CNTN5: variants seen among roughly 807,000 people sequenced by gnomAD.
CNTN5 encodes contactin 5.
Under a neutral mutation model 129.1 loss-of-function variants are expected in CNTN5, and 77 were observed. The observed-to-expected ratio is 0.60, with a 90% CI of 0.50 to 0.72. CNTN5 has a LOEUF of 0.72. Among genes scored for constraint, CNTN5 ranks in the 30% least tolerant of loss-of-function variants. The pLI is 0.00. For synonymous variants in CNTN5, 509 were observed against 465.6 expected (o/e 1.09, Z -1.20); for missense variants, 1,478 against 1,328.8 (o/e 1.11, Z -1.75).
Position 100,081,519 on chromosome 11 carries a change from C to T in CNTN5, c.1580+7225C>T, listed in dbSNP as rs190897864. ...CTGCAAGGTGGTAAGATGCTATGTC[C>T]GTATTCCACCCCATCTGAACTAATC... On this transcript the variant is annotated intron_variant, in intron 13 of 24. Coordinates refer to ENST00000524871, the MANE Select transcript of CNTN5 (RefSeq NM_014361.4). 1.9e-3 allele frequency among the ~76,000 whole-genome samples: 293 copies of T among 152,234 alleles called. 3 individuals are homozygous for T. Among genetic ancestry groups the T allele is most frequent in the African/African-American group, 6.5e-3 (271 of 41,546 alleles).
chr11:100,184,097 C>T (rs541716377), intron 13 of CNTN5, among the ~76,000 whole-genome samples: 6 of 152,124 alleles, frequency 3.9e-5, no homozygotes, highest in Admixed American at 1.3e-4. Context: ...TAACTACTTC[C>T]GTAAATAGCT....
intron 1 of CNTN5, among the ~76,000 whole-genome samples, chr11:99,215,594 T>A (rs2135685144): frequency 6.6e-6 from 1 of 152,242 alleles, no homozygotes; most frequent in East Asian, 1.9e-4. Context: ...GGAATTCAGT[T>A]TGAAATGTCT....
intron 2 of CNTN5, among the ~76,000 whole-genome samples, chr11:99,479,695 A>T (rs531553984): frequency 6.6e-6 from 1 of 152,232 alleles, no homozygotes; most frequent in East Asian, 1.9e-4. Flanking sequence ...GTGATGGAAC[A>T]GGCTCCGGTT....
intron 3 of CNTN5, among the ~76,000 whole-genome samples, chr11:99,654,843 G>T (rs1490423753): frequency 6.6e-6 from 1 of 152,036 alleles, no homozygotes; most frequent in Admixed American, 6.6e-5. Context: ...TAATAGATTT[G>T]TTGCCTGATG....
In CNTN5 at chr11:100,071,706, G is replaced by C. The variant is rs1943929936; in HGVS notation, c.1301G>C (p.Ser434Thr). 1 of 1,572,670 alleles carries C rather than the reference G, an allele frequency of 6.4e-7. No individual in the cohort carries two copies. The highest frequency in any genetic ancestry group is 8.6e-7 in the Non-Finnish European group (1 of 1,159,302). Residue 434 changes from serine to threonine, a missense_variant and splice_region_variant, in exon 12 of 25, where the codon AGT (serine) becomes ACT (threonine). Coordinates refer to ENST00000524871, the MANE Select transcript of CNTN5 (RefSeq NM_014361.4). The stretch of plus-strand genomic sequence containing the variant: ...CTAATTTTTTTAATTCCATTACAGA[G>C]TAGGGTTGAGATGGTTAATGGAGTA... The part of the protein sequence containing the change: ...LKNGVPLSPQ[S>T]RVEMVNGVLM...
chr11:99,094,389 C>T (rs991462548), intron 1 of CNTN5, among the ~76,000 whole-genome samples: 1 of 151,858 alleles, frequency 6.6e-6, no homozygotes, highest in African/African-American at 2.4e-5. Context: ...AGAGTTAAGC[C>T]TGTTGAAATA....
chr11:99,377,288 A>G (rs1172227248), intron 2 of CNTN5, among the ~76,000 whole-genome samples: 2 of 151,964 alleles, frequency 1.3e-5, no homozygotes, highest in Non-Finnish European at 2.9e-5. Context: ...TTATATTCGT[A>G]TATCTTTATA....
chr11:99,354,856 C>A (rs1938533018), intron 2 of CNTN5, among the ~76,000 whole-genome samples: 1 of 152,198 alleles, frequency 6.6e-6, no homozygotes, highest in African/African-American at 2.4e-5. Flanking sequence ...CACAAAGTAA[C>A]AAGCAATTCT....
At position 99,686,113 on chromosome 11, in the gene CNTN5, C is replaced by T. The variant is rs113476168; in HGVS notation, c.55+129844C>T. ...CACCTGTGTATATATATATATGTGC[C>T]ATTGTTTCCATGTATTTTATTATGT... On this transcript the variant is annotated intron_variant, in intron 3 of 24. Coordinates refer to ENST00000524871, the MANE Select transcript of CNTN5 (RefSeq NM_014361.4). 2.5e-3 allele frequency among the ~76,000 whole-genome samples: 381 copies of T among 151,886 alleles called. 2 individuals carry two copies. The highest frequency in any genetic ancestry group is 8.9e-3 in the African/African-American group (368 of 41,454).
intron 1 of CNTN5, among the ~76,000 whole-genome samples, chr11:99,208,347 C>A (rs1366284506): frequency 6.6e-6 from 1 of 152,022 alleles, no homozygotes; most frequent in Non-Finnish European, 1.5e-5. Flanking sequence ...TTTATCTAGG[C>A]AAACCTTAAT....
At chr11:99,714,259 A>C (rs1027065226) in intron 3 of CNTN5, among the ~76,000 whole-genome samples, 1 of 151,992 alleles carries the variant, frequency 6.6e-6, no homozygotes, top group Non-Finnish European at 1.5e-5. Flanking sequence ...GTTATATTTC[A>C]TTGTATATTT....
At chr11:99,949,773 T>C (rs2136143390) in intron 7 of CNTN5, among the ~76,000 whole-genome samples, 1 of 152,326 alleles carries the variant, frequency 6.6e-6, no homozygotes, top group Non-Finnish European at 1.5e-5. Context: ...ATAGTTGCTG[T>C]CACCCAGTTG....
At chr11:99,236,746 A>G (rs1490746229) in intron 1 of CNTN5, among the ~76,000 whole-genome samples, 1 of 152,158 alleles carries the variant, frequency 6.6e-6, no homozygotes, top group Non-Finnish European at 1.5e-5. Flanking sequence ...ATTACATACG[A>G]TCGAAGTAAC....
chr11:99,682,104 G>T (rs538519770), intron 3 of CNTN5, among the ~76,000 whole-genome samples: 4 of 152,070 alleles, frequency 2.6e-5, no homozygotes, highest in Admixed American at 6.6e-5. Context: ...TACACAAATT[G>T]TTTATGAATA....
At chr11:99,587,526 A>G (rs1766820430) in intron 3 of CNTN5, among the ~76,000 whole-genome samples, 2 of 152,162 alleles carry the variant, frequency 1.3e-5, no homozygotes, top group South Asian at 4.1e-4. Context: ...GCTACTAACG[A>G]GGATCCATTT....
intron 1 of CNTN5, among the ~76,000 whole-genome samples, chr11:99,153,248 G>A (rs1460890567): frequency 6.6e-6 from 1 of 152,102 alleles, no homozygotes; most frequent in Non-Finnish European, 1.5e-5. Flanking sequence ...TTCCAAGTTG[G>A]TTGCTTTCTT....
chr11:99,476,506 T>C (rs1201477801), intron 2 of CNTN5, among the ~76,000 whole-genome samples: 4 of 152,200 alleles, frequency 2.6e-5, no homozygotes, highest in Admixed American at 6.5e-5. Flanking sequence ...AGATTTGTGA[T>C]AGGAAATTAT....
intron 1 of CNTN5, among the ~76,000 whole-genome samples, chr11:99,190,354 A>G (rs11606577): frequency 0.13 from 19,686 of 151,048 alleles, 1,426 homozygotes; most frequent in Middle Eastern, 0.24. Flanking sequence ...TTATTTATTT[A>G]TTTTTCAAGA....
intron 3 of CNTN5, among the ~76,000 whole-genome samples, chr11:99,684,316 A>AT (rs1215110333): frequency 1.1e-4 from 16 of 151,798 alleles, no homozygotes; most frequent in Admixed American, 2.0e-4. Context: ...TTTAAAACTC[A>AT]TTTTTGTTTT....
Sources: allele counts gnomAD v4.1 joint callset (sites outside exome capture counted in the v4.1 genomes callset), GRCh38; gene constraint gnomAD v4.1.1; transcripts MANE v1.5; gene names NCBI Gene and HGNC (gene_info 2026-07-23, HGNC 2026-07-21).